Variants in ZFR2 observed in about 807,000 individuals in gnomAD.
ZFR2 encodes zinc finger RNA-binding protein 2.
In ZFR2, 104 loss-of-function variants were observed where a neutral mutation model predicts 105.7. The ratio of observed to expected loss-of-function variants is 0.98; its 90% confidence interval spans 0.84 to 1.16. ZFR2 has a LOEUF of 1.16. Ranked by LOEUF, ZFR2 falls within the 50% of genes most tolerant of loss-of-function variation. The pLI, the probability that ZFR2 is intolerant of heterozygous loss-of-function variation, is 0.00. For synonymous variants in ZFR2, 634 were observed against 597.7 expected, an observed-to-expected ratio of 1.06 and a Z score of -0.89; for missense variants, 1,425 against 1,355.5, an observed-to-expected ratio of 1.05 and a Z score of -0.80.
At position 3,819,224 on chromosome 19, in the gene ZFR2, C is replaced by A. The variant is rs759624458; in HGVS notation, c.1752G>T (p.Arg584=). 3.9e-6 allele frequency: 6 copies of A among 1,545,612 alleles called. No individual in the cohort carries two copies. The highest frequency in any genetic ancestry group is 1.9e-5 in the Admixed American group (1 of 51,412). The stretch of plus-strand genomic sequence containing the variant: ...CGTGCCGGTCGTCGCTGGACGCCGG[C>A]CGCCGCCCGGGCTGTGGGGAGAGGC... The part of the protein sequence containing the change: ...PASAPLQPGR[R]PASSDDRHVM... The change falls in exon 12 of 19, where the codon CGG becomes CGT. Residue 584 remains arginine (R), a synonymous_variant. Coordinates refer to ENST00000262961, the MANE Select transcript of ZFR2 (RefSeq NM_015174.2).
At chr19:3,860,370 C>G (rs1026001169) in intron 1 of ZFR2, among the ~76,000 whole-genome samples, 1 of 152,036 alleles carries the variant, frequency 6.6e-6, no homozygotes, top group African/African-American at 2.4e-5. Context: ...GGCTCACTTT[C>G]AAACCGTCTT....
rs141101886 is a variant in ZFR2 at position 3,809,966 on chromosome 19, A to T, written c.2433+784T>A. 3.3e-5 allele frequency among the ~76,000 whole-genome samples: 5 copies of T among 152,264 alleles called. No individual in the cohort carries two copies. The East Asian group carries it at 9.7e-4, about 29-fold the overall frequency. ...TCTCAAAAAAATGATTTTAAAAAAA[A>T]GTAAAAAAGAGACTTAATCTCTACC... On this transcript the variant is annotated intron_variant, in intron 16 of 18. Coordinates refer to ENST00000262961, the MANE Select transcript of ZFR2 (RefSeq NM_015174.2).
chr19:3,814,733 A>T (rs956093168), intron 13 of ZFR2, among the ~76,000 whole-genome samples: 1 of 152,212 alleles, frequency 6.6e-6, no homozygotes, highest in Non-Finnish European at 1.5e-5. Flanking sequence ...TGTGCAGGAA[A>T]TGTGAGATGC....
At chr19:3,811,163 C>A in intron 15 of ZFR2, 109 bp downstream of exon 15, 1 of 1,112,534 alleles carries the variant, frequency 9.0e-7, no homozygotes, top group South Asian at 1.6e-5. Flanking sequence ...TCCCGGTCTG[C>A]GCTGGGAGCC....
rs1232834600 is a variant in ZFR2, at chr19:3,813,006, G to A, written c.2242+814C>T. Among the ~76,000 whole-genome samples the A allele has an allele frequency of 2.0e-5, 3 of 152,196 alleles. No homozygotes were observed. The highest frequency in any genetic ancestry group is 2.0e-4 in the Admixed American group (3 of 15,288). On this transcript the variant is annotated intron_variant, in intron 14 of 18. Transcript: ENST00000262961. This position sits in a 1 kb window ranked among gnomAD's most constrained non-coding sequence, Gnocchi z 4.4. Reference sequence around the variant, plus strand: ...GAGGCAGGAGAATCGCTTGAACCCAGGCGGCGGAAGTTGCAGTGAGCTGAG... The same window carrying A: ...GAGGCAGGAGAATCGCTTGAACCCAAGCGGCGGAAGTTGCAGTGAGCTGAG...
intron 13 of ZFR2, among the ~76,000 whole-genome samples, chr19:3,816,206 A>C (rs2037822919): frequency 6.8e-6 from 1 of 147,418 alleles, no homozygotes. Flanking sequence ...TGGCTAACAA[A>C]CTGGTTGGTT....
At position 3,825,502 on chromosome 19, in the gene ZFR2, C is replaced by T. The variant is rs117261233; in HGVS notation, c.1036-95G>A. On this transcript the variant is annotated intron_variant, in intron 6 of 18. Coordinates refer to ENST00000262961, the MANE Select transcript of ZFR2 (RefSeq NM_015174.2). ...GAAGGGCCTCCACGGGCGTGCAGCG[C>T]GAGTGTGGGCTGGCCGGTCCCAGGG... The T allele has an allele frequency of 4.8e-3, 6,924 of 1,457,076 alleles. 27 individuals are homozygous for T. The highest frequency in any genetic ancestry group is 5.3e-3 in the Non-Finnish European group (5,854 of 1,099,632). The allele number at this position is 1,457,076 out of a possible 1,614,324, so 90.3% of individuals were successfully genotyped here.
chr19:3,863,184 G>C (rs2038391884), intron 1 of ZFR2, among the ~76,000 whole-genome samples: 1 of 152,208 alleles, frequency 6.6e-6, no homozygotes. Flanking sequence ...GACCAGGTCG[G>C]TTCTGAAGCC....
intron 8 of ZFR2, among the ~76,000 whole-genome samples, chr19:3,822,450 CCACAGGCA>C (rs1042464589): frequency 7.3e-5 from 11 of 151,506 alleles, no homozygotes; most frequent in African/African-American, 2.4e-5. Context: ...GTAGCTGGGA[CCACAGGCA>C]CACGCCACCA....
At chr19:3,868,929 C>A in intron 1 of ZFR2, 36 bp downstream of exon 1, 1 of 1,278,848 alleles carries the variant, frequency 7.8e-7, no homozygotes, top group Non-Finnish European at 9.9e-7. Flanking sequence ...CTGCAGGGGC[C>A]GGGACTGGCG....
intron 1 of ZFR2, among the ~76,000 whole-genome samples, chr19:3,855,089 T>C (rs1038237591): frequency 3.3e-5 from 5 of 151,634 alleles, no homozygotes; most frequent in Admixed American, 3.3e-4. Context: ...AGAGATGGGG[T>C]CTCACTATGT....
At chr19:3,821,958 C>A in intron 9 of ZFR2, 123 bp downstream of exon 9, 2 of 1,391,412 alleles carry the variant, frequency 1.4e-6, no homozygotes, top group Non-Finnish European at 1.9e-6. Context: ...CCCAGAAAAT[C>A]ACCCCTCCCT....
intron 5 of ZFR2, among the ~76,000 whole-genome samples, chr19:3,828,696 G>A (rs940615612): frequency 6.6e-6 from 1 of 152,186 alleles, no homozygotes; most frequent in African/African-American, 2.4e-5. Flanking sequence ...TGTGCTGCTT[G>A]AAATCCTCAA....
At chr19:3,825,829 G>A (rs72972950) in intron 6 of ZFR2, among the ~76,000 whole-genome samples, 2,541 of 152,214 alleles carry the variant, frequency 0.017, 35 homozygotes, top group South Asian at 0.033. Flanking sequence ...GGACACCCAC[G>A]TTCTGCACGC....
intron 5 of ZFR2, among the ~76,000 whole-genome samples, chr19:3,830,559 G>C (rs1006775147): frequency 3.9e-5 from 6 of 152,152 alleles, no homozygotes; most frequent in Non-Finnish European, 7.4e-5. Flanking sequence ...GATCTGGGGC[G>C]GGAGGGGTCC....
chr19:3,814,065 C>A, intron 13 of ZFR2, 107 bp from the exon 14 acceptor site: 1 of 1,499,402 alleles, frequency 6.7e-7, no homozygotes. Context: ...TCGGGCCTCC[C>A]ACACTTGCTG....
intron 1 of ZFR2, among the ~76,000 whole-genome samples, chr19:3,847,499 G>C (rs919431742): frequency 6.6e-6 from 1 of 152,064 alleles, no homozygotes; most frequent in South Asian, 2.1e-4. Context: ...ACTCCAGCCT[G>C]GGCAACAGAG....
At position 3,825,353 on chromosome 19, in the gene ZFR2, G is replaced by C. The variant is rs2037937795; in HGVS notation, c.1090C>G (p.Leu364Val). Residue 364 changes from leucine (L) to valine (V), a missense_variant, in exon 7 of 19, where the codon CTG becomes GTG. Coordinates refer to ENST00000262961, the MANE Select transcript of ZFR2 (RefSeq NM_015174.2). ...GKPIPTLEPA[L>V]ATESPPGAEA... Reference sequence around the variant, plus strand: ...GCCCCGGGGGGGCTCTCTGTGGCCAGTGCAGGCTCGAGGGTGGGAATGGGC... The same window carrying C: ...GCCCCGGGGGGGCTCTCTGTGGCCACTGCAGGCTCGAGGGTGGGAATGGGC... 1.9e-6 allele frequency: 3 copies of C among 1,592,192 alleles called. No homozygotes were observed. The highest frequency in any genetic ancestry group is 2.6e-6 in the Non-Finnish European group (3 of 1,171,702).
At position 3,822,076 on chromosome 19, in the gene ZFR2, C is replaced by A. The variant is rs2037901135; in HGVS notation, c.1491+5G>T. 2 of 1,594,842 alleles carry A rather than the reference C, an allele frequency of 1.3e-6. No homozygotes were observed. Among genetic ancestry groups the A allele is most frequent in the South Asian group, 2.3e-5 (2 of 87,980 alleles). ...GGGTGTCGGAGCTCCCCCTGCTGGA[C>A]GCACCCGGTACTGCAGCCGGTGCCG... On this transcript the variant is annotated splice_donor_5th_base_variant and intron_variant, in intron 9 of 18. Transcript: ENST00000262961.
Sources: allele counts gnomAD v4.1 joint callset (sites outside exome capture counted in the v4.1 genomes callset), GRCh38; gene constraint gnomAD v4.1.1; non-coding constraint Gnocchi (gnomAD v3.1); transcripts MANE v1.5; gene names NCBI Gene and HGNC (gene_info 2026-07-23, HGNC 2026-07-21).